Variants in PLXDC2 observed in about 807,000 individuals in gnomAD.
The protein encoded by PLXDC2 is plexin domain containing 2, also known as plexin domain-containing protein 2.
Under a neutral mutation model 68.9 loss-of-function variants are expected in PLXDC2, and 40 were observed. The observed-to-expected ratio is 0.58, with a 90% CI of 0.45 to 0.76. PLXDC2 has a LOEUF of 0.76. Ranked by LOEUF, PLXDC2 falls within the 30% of genes least tolerant of loss-of-function variation. The pLI is 0.00. For synonymous variants in PLXDC2, 243 were observed against 234.2 expected, an observed-to-expected ratio of 1.04 and a Z score of -0.34; for missense variants, 644 against 661.9, an observed-to-expected ratio of 0.97 and a Z score of 0.30.
At chr10:20,059,790 T>A (rs1479652101) in intron 3 of PLXDC2, among the ~76,000 whole-genome samples, 3 of 151,422 alleles carry the variant, frequency 2.0e-5, no homozygotes, top group Non-Finnish European at 4.4e-5. Flanking sequence ...TAAAAAAAAA[T>A]TCTACATGGT....
chr10:19,912,271 T>C (rs1833287356), intron 1 of PLXDC2, among the ~76,000 whole-genome samples: 1 of 152,224 alleles, frequency 6.6e-6, no homozygotes, highest in African/African-American at 2.4e-5. Context: ...AAACTTGTTT[T>C]ATTCTTTGTC....
chr10:20,172,022 G>C (rs11814645), intron 7 of PLXDC2, among the ~76,000 whole-genome samples: 1 of 146,420 alleles, frequency 6.8e-6, no homozygotes, highest in African/African-American at 2.4e-5. Flanking sequence ...TGACAGAAAC[G>C]CCAAAAGCAC....
At chr10:19,913,665 G>A (rs1270082764) in intron 1 of PLXDC2, among the ~76,000 whole-genome samples, 1 of 152,126 alleles carries the variant, frequency 6.6e-6, no homozygotes, top group Non-Finnish European at 1.5e-5. Flanking sequence ...CAATTATGAT[G>A]GATGAAAATA....
chr10:19,937,267 G>C (rs980440309), intron 1 of PLXDC2, among the ~76,000 whole-genome samples: 4 of 151,992 alleles, frequency 2.6e-5, no homozygotes, highest in African/African-American at 9.7e-5. Flanking sequence ...GTCATGGATG[G>C]TCTTAGTCCC....
At position 20,280,227 on chromosome 10, in the gene PLXDC2, A is replaced by T. The variant is rs940255533; in HGVS notation, c.*408A>T. The T allele has an allele frequency of 6.3e-6, 1 of 158,046 alleles. No homozygotes were observed. Among genetic ancestry groups the T allele is most frequent in the African/African-American group, 2.4e-5 (1 of 41,670 alleles). The allele number at this position is 158,046 out of a possible 1,614,324, so 9.8% of individuals were successfully genotyped here. The stretch of plus-strand genomic sequence containing the variant: ...TCAAATGTTCTCTGATGTCTCAAAG[A>T]TAACTGTTTTCCAAAGCCTGAACCC... On this transcript the variant is annotated 3_prime_UTR_variant, in exon 14 of 14. Coordinates refer to ENST00000377252, the MANE Select transcript of PLXDC2 (RefSeq NM_032812.9).
intron 1 of PLXDC2, among the ~76,000 whole-genome samples, chr10:19,829,100 C>T (rs1836631706): frequency 6.7e-6 from 1 of 149,404 alleles, no homozygotes; most frequent in African/African-American, 2.5e-5. Flanking sequence ...CGTACATTGT[C>T]TCTGTTCTGA....
At chr10:19,933,921 G>A (rs547132992) in intron 1 of PLXDC2, among the ~76,000 whole-genome samples, 1 of 151,604 alleles carries the variant, frequency 6.6e-6, no homozygotes, top group South Asian at 2.1e-4. Flanking sequence ...GAGAAAGGAA[G>A]GAAGGACAGA....
chr10:20,021,236 G>T (rs2131657810), intron 2 of PLXDC2, among the ~76,000 whole-genome samples: 1 of 152,074 alleles, frequency 6.6e-6, no homozygotes, highest in South Asian at 2.1e-4. Flanking sequence ...TTAGCACATA[G>T]TTACTTCCAT....
chr10:20,224,036 G>A (rs1835254167), intron 12 of PLXDC2, among the ~76,000 whole-genome samples: 2 of 148,966 alleles, frequency 1.3e-5, no homozygotes, highest in African/African-American at 5.0e-5. Context: ...GTGCAGTGGT[G>A]CAATCTTGGC....
intron 1 of PLXDC2, among the ~76,000 whole-genome samples, chr10:19,956,631 A>G (rs1161085039): frequency 1.3e-5 from 2 of 152,234 alleles, no homozygotes; most frequent in African/African-American, 4.8e-5. Context: ...AAATGAGCAA[A>G]TGTACACATG....
At chr10:19,825,574 G>A (rs964696156) in intron 1 of PLXDC2, among the ~76,000 whole-genome samples, 2 of 152,066 alleles carry the variant, frequency 1.3e-5, no homozygotes, top group African/African-American at 4.8e-5. Context: ...AGTAGCAACT[G>A]CTTACAGTAG....
chr10:19,973,305 TATACTC>T (rs1310477504), intron 1 of PLXDC2, among the ~76,000 whole-genome samples: 1 of 134,834 alleles, frequency 7.4e-6, no homozygotes, highest in Non-Finnish European at 1.6e-5. Context: ...TGTATATATA[TATACTC>T]ACATATATAT....
chr10:20,024,300 T>C (rs1835361200), intron 2 of PLXDC2, among the ~76,000 whole-genome samples: 1 of 152,214 alleles, frequency 6.6e-6, no homozygotes, highest in African/African-American at 2.4e-5. Context: ...ATTGGACTAA[T>C]TGGTAAGAGA....
At chr10:20,083,476 CA>C (rs376829237) in intron 4 of PLXDC2, among the ~76,000 whole-genome samples, 4,192 of 121,308 alleles carry the variant, frequency 0.035, 72 homozygotes, top group South Asian at 0.075. Flanking sequence ...GACTCCGTCT[CA>C]AAAAAAAAAA....
chr10:19,983,012 T>C (rs1282394625), intron 1 of PLXDC2, among the ~76,000 whole-genome samples: 3 of 152,192 alleles, frequency 2.0e-5, no homozygotes, highest in Non-Finnish European at 4.4e-5. Flanking sequence ...TTATCAATGT[T>C]AACATACTTT....
At chr10:19,970,246 T>C (rs902727991) in intron 1 of PLXDC2, among the ~76,000 whole-genome samples, 2 of 152,244 alleles carry the variant, frequency 1.3e-5, no homozygotes, top group African/African-American at 2.4e-5. Context: ...GAATGACTGA[T>C]TTATTGTTTG....
At chr10:19,826,623 T>C (rs1206566047) in intron 1 of PLXDC2, among the ~76,000 whole-genome samples, 1 of 152,236 alleles carries the variant, frequency 6.6e-6, no homozygotes, top group Non-Finnish European at 1.5e-5. Flanking sequence ...GCTCAGTGCT[T>C]TATTTTCATA....
At chr10:19,817,813 C>T (rs577850866) in intron 1 of PLXDC2, among the ~76,000 whole-genome samples, 11 of 152,330 alleles carry the variant, frequency 7.2e-5, no homozygotes, top group African/African-American at 2.2e-4. Flanking sequence ...CCTACCCCTG[C>T]TCCCATTGTC....
intron 2 of PLXDC2, chr10:20,043,179 A>G (rs1350961608): frequency 6.6e-6 from 1 of 152,170 alleles, no homozygotes; most frequent in Non-Finnish European, 1.5e-5. Context: ...CCTCTCTGGA[A>G]TTTAATAATG....
Sources: allele counts gnomAD v4.1 joint callset (sites outside exome capture counted in the v4.1 genomes callset), GRCh38; gene constraint gnomAD v4.1.1; transcripts MANE v1.5; gene names NCBI Gene and HGNC (gene_info 2026-07-23, HGNC 2026-07-21).